The following CDKL5 variants were observed in gnomAD, a reference collection of about 807,000 sequenced individuals.
The protein encoded by CDKL5 is cyclin dependent kinase like 5.
Under a neutral mutation model 61.7 loss-of-function variants are expected in CDKL5, and 8 were observed. The observed-to-expected ratio is 0.13, with a 90% CI of 0.08 to 0.23. The LOEUF (loss-of-function observed/expected upper bound fraction) is 0.23. Ranked by LOEUF, CDKL5 falls within the 10% of genes least tolerant of loss-of-function variation. The pLI, the probability that CDKL5 is intolerant of heterozygous loss-of-function variation, is 1.00. For missense variants in CDKL5, 440 were observed against 734.5 expected (o/e 0.60, Z 4.63); for synonymous variants, 275 against 272.3 (o/e 1.01, Z -0.10).
At chrX:18,644,948 G>A (rs1927719445), downstream of CDKL5, among the ~76,000 whole-genome samples, 1 of 112,479 alleles carries the variant, frequency 8.9e-6, no homozygotes, top group Admixed American at 9.4e-5. Flanking sequence ...AAACACGCAG[G>A]TGCATGGCTG....
At chrX:18,648,980 T>C (rs1193388357) in intron 20 of CDKL5, among the ~76,000 whole-genome samples, 2 of 104,328 alleles carry the variant, frequency 1.9e-5, no homozygotes, top group Non-Finnish European at 3.9e-5. Flanking sequence ...CCTAGGAGTC[T>C]GTGGCTGCAG....
chrX:18,482,857 G>A lies in CDKL5; in HGVS notation c.-162-24078G>A, dbSNP rs573063142. Among the ~76,000 whole-genome samples the A allele has an allele frequency of 1.2e-4, 13 of 111,662 alleles. No individual in the cohort carries two copies. The South Asian group carries it at 4.1e-3, about 35-fold the overall frequency. ...GAGGCCGAGTAGAAAAATTTTCAGT[G>A]ATATTGTTCAACTTGATAAAGTAAC... is the stretch of plus-strand genomic sequence containing the variant. On this transcript the variant is annotated intron_variant, in intron 1 of 17. Transcript: ENST00000623535.
chrX:18,430,973 T>G (rs1403162141), intron 1 of CDKL5, among the ~76,000 whole-genome samples: 1 of 110,024 alleles, frequency 9.1e-6, no homozygotes. Context: ...GTGATTCTCT[T>G]GCCTTAGCCT....
At chrX:18,508,723 A>G (rs1284876109) in intron 2 of CDKL5, among the ~76,000 whole-genome samples, 1 of 110,081 alleles carries the variant, frequency 9.1e-6, no homozygotes, top group Non-Finnish European at 1.9e-5. Flanking sequence ...CTTTGTTATC[A>G]GAACTACCAT....
In CDKL5 at chrX:18,504,726, G is replaced by A. The variant is rs12014685; in HGVS notation, c.-162-2209G>A. Among the ~76,000 whole-genome samples the A allele has an allele frequency of 1.0e-4, 11 of 109,787 alleles. No individual in the cohort carries two copies. In the South Asian group the frequency reaches 4.3e-3, roughly 43 times the overall value. On this transcript the variant is annotated intron_variant, in intron 1 of 17. Coordinates refer to ENST00000623535, the MANE Select transcript of CDKL5 (RefSeq NM_001323289.2). ...ACGGGCGGATCACGAGGTCAGGAGA[G>A]CGAGACCATCCTGGCTAACACGGTG...
intron 1 of CDKL5, among the ~76,000 whole-genome samples, chrX:18,481,370 T>G (rs1369782965): frequency 3.2e-5 from 3 of 93,035 alleles, no homozygotes; most frequent in Non-Finnish European, 6.4e-5. Context: ...CTTTCTTTCT[T>G]TTGAGGCAGG....
chrX:18,464,895 A>G (rs773485250), intron 1 of CDKL5, among the ~76,000 whole-genome samples: 31 of 112,313 alleles, frequency 2.8e-4, no homozygotes, highest in African/African-American at 1.0e-3. Flanking sequence ...TATATATAAT[A>G]TCTGCTTTGT....
At chrX:18,449,636 C>A (rs1931961884) in intron 1 of CDKL5, among the ~76,000 whole-genome samples, 1 of 112,709 alleles carries the variant, frequency 8.9e-6, no homozygotes. Flanking sequence ...GTTGGCCATT[C>A]TGGCCGCATG....
intron 1 of CDKL5, among the ~76,000 whole-genome samples, chrX:18,488,423 G>A (rs1921867425): frequency 8.9e-6 from 1 of 111,736 alleles, no homozygotes; most frequent in Non-Finnish European, 1.9e-5. Context: ...CTAGTACTAT[G>A]AAGATGACTA....
At chrX:18,510,237 C>A (rs1445002561) in intron 2 of CDKL5, among the ~76,000 whole-genome samples, 1 of 111,441 alleles carries the variant, frequency 9.0e-6, no homozygotes, top group Non-Finnish European at 1.9e-5. Context: ...CTACTGCAAC[C>A]TCTGCCTCCT....
chrX:18,587,972 C>T lies in CDKL5; in HGVS notation c.573C>T (p.Ser191=), dbSNP rs786204958. ...ELLLGAPYGK[S]VDMWSVGCIL... ...TTTTCAGCGCTCCCTATGGAAAGTC[C>T]GTGGACATGTGGTCGGTGGGCTGTA... Residue 191 remains serine, a synonymous_variant, in exon 9 of 18, where the codon TCC becomes TCT. Coordinates refer to ENST00000623535, the MANE Select transcript of CDKL5 (RefSeq NM_001323289.2). The T allele has an allele frequency of 4.1e-6, 5 of 1,208,495 alleles. No homozygotes were observed. The highest frequency in any genetic ancestry group is 3.0e-5 in the East Asian group (1 of 33,788).
chrX:18,518,385 C>CTTTTTTTT lies in CDKL5; in HGVS notation c.99+7533_99+7534insTTTTTTTT, dbSNP rs1195931109. Among the ~76,000 whole-genome samples, 41 of 22,784 alleles carry CTTTTTTTT rather than the reference C, an allele frequency of 1.8e-3. 1 individual carries two copies. The highest frequency in any genetic ancestry group is 5.9e-3 in the African/African-American group (39 of 6,582). 19.8% of individuals were successfully genotyped at this position (22,784 alleles called of 115,157 possible). On this transcript the variant is annotated intron_variant, in intron 3 of 17. Coordinates refer to ENST00000623535, the MANE Select transcript of CDKL5 (RefSeq NM_001323289.2). ...ATAAAGTCATGTTTTCTTTTCTTTTCTTATTTTTTTTTTTTTTTTTTTTTT... is the reference window on the plus strand; with the variant it reads ...ATAAAGTCATGTTTTCTTTTCTTTTCTTTTTTTTTTATTTTTTTTTTTTTTTTTTTTTT...
In CDKL5 at chrX:18,631,706, T is replaced by C; in HGVS notation, c.*2949T>C. ...CTGATCTCCTTTGGAAAAGAAACTC[T>C]GCTTCACTGTTTTTCTACCTTTATT... On this transcript the variant is annotated 3_prime_UTR_variant, in exon 18 of 18. Transcript: ENST00000623535. 1.3e-6 allele frequency: 1 copy of C among 754,116 alleles called. No homozygotes were observed. 62.1% of individuals were successfully genotyped at this position (754,116 alleles called of 1,213,427 possible).
chrX:18,540,245 G>C (rs971760958), intron 3 of CDKL5, among the ~76,000 whole-genome samples: 9 of 111,255 alleles, frequency 8.1e-5, no homozygotes, highest in Admixed American at 7.6e-4. Context: ...TGCAATCACA[G>C]CTCACTGTAG....
Position 18,427,095 on chromosome X carries a change from A to G in CDKL5, c.-163+1400A>G, listed in dbSNP as rs1931382863. On this transcript the variant is annotated intron_variant, in intron 1 of 17. Transcript: ENST00000623535. The stretch of plus-strand genomic sequence containing the variant: ...GGTCCATTAATAATAGATTTTTAAA[A>G]AAGGCGTGCTGCTTTTCGAGAATAT... 2.7e-5 allele frequency among the ~76,000 whole-genome samples: 3 copies of G among 111,581 alleles called. No homozygotes were observed. The Admixed American group carries it at 2.9e-4, about 11-fold the overall frequency.
rs978452967 is a variant in CDKL5, at chrX:18,631,984, T to C, written c.*3227T>C. 1 of 572,571 alleles carries C rather than the reference T, an allele frequency of 1.7e-6. No individual in the cohort carries two copies. The highest frequency in any genetic ancestry group is 2.5e-5 in the African/African-American group (1 of 39,691). The allele number at this position is 572,571 out of a possible 1,213,427, so 47.2% of individuals were successfully genotyped here. A position where few individuals can be genotyped will look rare whatever the true frequency, so the allele number is the denominator to read the frequency against. ...TGGGGGGGAGGTGATGGTATGCTAC[T>C]GGCATCAAGTGGTTAGAGGCCACAG... On this transcript the variant is annotated 3_prime_UTR_variant, in exon 18 of 18. Transcript: ENST00000623535.
chrX:18,431,049 A>G (rs1489630850), intron 1 of CDKL5, among the ~76,000 whole-genome samples: 1 of 108,217 alleles, frequency 9.2e-6, no homozygotes, highest in East Asian at 3.0e-4. Flanking sequence ...TTTTTAGTAG[A>G]GACGGGGTTT....
intron 1 of CDKL5, among the ~76,000 whole-genome samples, chrX:18,427,580 G>A (rs140973846): frequency 0.029 from 3,175 of 110,825 alleles, 43 homozygotes; most frequent in Middle Eastern, 0.093. Context: ...AAATCTCTTT[G>A]AATTGTCTTG....
chrX:18,470,074 C>T (rs1259503833), intron 1 of CDKL5, among the ~76,000 whole-genome samples: 2 of 111,119 alleles, frequency 1.8e-5, no homozygotes, highest in Non-Finnish European at 3.8e-5. Flanking sequence ...TGGTGGCTCA[C>T]GCTTGTAATC....
Sources: allele counts gnomAD v4.1 joint callset (sites outside exome capture counted in the v4.1 genomes callset), GRCh38; gene constraint gnomAD v4.1.1; transcripts MANE v1.5; gene names NCBI Gene and HGNC (gene_info 2026-07-23, HGNC 2026-07-21).